The following ADD3 variants were observed in gnomAD, a reference collection of about 807,000 sequenced individuals.
ADD3 encodes adducin 3.
In ADD3, 25 loss-of-function variants were observed where a neutral mutation model predicts 80.2. That is an observed-to-expected ratio of 0.31 (90% CI 0.23 to 0.44). ADD3 has a LOEUF of 0.44. Ranked by LOEUF, ADD3 falls within the 20% of genes least tolerant of loss-of-function variation. The pLI is 1.00. For missense variants in ADD3, 829 were observed against 847.5 expected (o/e 0.98, Z 0.27); for synonymous variants, 284 against 289.6 (o/e 0.98, Z 0.20).
At position 110,093,499 on chromosome 10, in the gene ADD3, T is replaced by C. The variant is rs117814358; in HGVS notation, c.-29-7126T>C. 1.3e-3 allele frequency among the ~76,000 whole-genome samples: 191 copies of C among 152,336 alleles called. 4 individuals carry two copies. In the East Asian group the frequency reaches 0.031, roughly 25 times the overall value. On this transcript the variant is annotated intron_variant, in intron 1 of 14. Coordinates refer to ENST00000356080, the MANE Select transcript of ADD3 (RefSeq NM_016824.5). ...ATTACCCAGAGCACAGTCAATGTCA[T>C]TTTGTTAATAGCTTCTAATTAAGTC...
upstream of ADD3, chr10:110,005,982 C>A: frequency 4.1e-6 from 1 of 246,536 alleles, no homozygotes; most frequent in African/African-American, 2.3e-5. Flanking sequence ...GAAGCTGCTG[C>A]TGCTAATGCT....
At chr10:110,082,457 T>G (rs1019850504) in intron 1 of ADD3, among the ~76,000 whole-genome samples, 1 of 152,260 alleles carries the variant, frequency 6.6e-6, no homozygotes, top group African/African-American at 2.4e-5. Context: ...AAGACCTATT[T>G]TGAGTTTTGG....
At chr10:110,115,273 A>C (rs1227727188) in intron 3 of ADD3, among the ~76,000 whole-genome samples, 1 of 152,132 alleles carries the variant, frequency 6.6e-6, no homozygotes, top group Non-Finnish European at 1.5e-5. Flanking sequence ...CTGTAATCCC[A>C]GCTTCTCAGG....
At chr10:110,033,814 G>A (rs554177671) in intron 1 of ADD3, among the ~76,000 whole-genome samples, 34 of 152,092 alleles carry the variant, frequency 2.2e-4, no homozygotes, top group Non-Finnish European at 3.8e-4. Flanking sequence ...CTCTGGGACC[G>A]TAATTTGCTA....
chr10:110,003,095 A>C (rs1220181660), upstream of ADD3, among the ~76,000 whole-genome samples: 3 of 152,214 alleles, frequency 2.0e-5, no homozygotes, highest in Non-Finnish European at 4.4e-5. Context: ...GATTAAATAC[A>C]TAACATTATG....
intron 1 of ADD3, among the ~76,000 whole-genome samples, chr10:110,074,169 A>G (rs773355128): frequency 1.3e-5 from 2 of 152,216 alleles, no homozygotes; most frequent in African/African-American, 2.4e-5. Context: ...TTCAAAAGGA[A>G]AAGCCCTTTT....
At chr10:110,036,075 C>T (rs533487054) in intron 1 of ADD3, among the ~76,000 whole-genome samples, 3 of 152,090 alleles carry the variant, frequency 2.0e-5, no homozygotes, top group East Asian at 1.9e-4. Flanking sequence ...CGCTTGAACT[C>T]GGGAGGCGGG....
intron 1 of ADD3, among the ~76,000 whole-genome samples, chr10:110,050,506 CTTTTTTT>C (rs59897959): frequency 0.13 from 16,724 of 129,370 alleles, 3,253 homozygotes; most frequent in African/African-American, 0.43. Flanking sequence ...CATTAAACCT[CTTTTTTT>C]TTTTTTTTTT....
upstream of ADD3, among the ~76,000 whole-genome samples, chr10:110,004,842 T>C (rs145901445): frequency 9.0e-4 from 133 of 147,654 alleles, no homozygotes; most frequent in Non-Finnish European, 1.5e-3. Flanking sequence ...AATCAAGTAA[T>C]ATAAAGATAA....
intron 1 of ADD3, among the ~76,000 whole-genome samples, chr10:110,054,096 C>T (rs1265489056): frequency 4.6e-5 from 7 of 151,848 alleles, no homozygotes; most frequent in African/African-American, 1.2e-4. Flanking sequence ...ACAGAATATG[C>T]GATATAATAG....
Position 110,132,339 on chromosome 10 carries a change from A to G in ADD3, c.1767A>G (p.Ser589=), listed in dbSNP as rs1288461497. Residue 589 remains serine (S), a synonymous_variant, in exon 14 of 15, where the codon TCA becomes TCG. Transcript: ENST00000356080. ...AEQELLSDDA[S]SVSQIQSQTQ... ...AGGAATTACTCTCAGATGACGCTTC[A>G]TCTGTTTCACAAATTCAGTCTCAAA... The G allele has an allele frequency of 1.9e-6, 3 of 1,613,956 alleles. No individual in the cohort carries two copies. Among genetic ancestry groups the G allele is most frequent in the Non-Finnish European group, 2.5e-6 (3 of 1,179,928 alleles).
chr10:110,066,769 A>G (rs1369255804), intron 1 of ADD3, among the ~76,000 whole-genome samples: 1 of 152,066 alleles, frequency 6.6e-6, no homozygotes, highest in South Asian at 2.1e-4. Flanking sequence ...TTCTTTTGTA[A>G]ATTTTAAGCA....
chr10:110,040,452 T>C (rs1856170523), intron 1 of ADD3, among the ~76,000 whole-genome samples: 1 of 152,262 alleles, frequency 6.6e-6, no homozygotes, highest in Non-Finnish European at 1.5e-5. Flanking sequence ...CCAGTAATTT[T>C]TGATGATTAT....
At chr10:110,000,286 G>C (rs1028848407) in intron 1 of ADD3, among the ~76,000 whole-genome samples, 1 of 152,196 alleles carries the variant, frequency 6.6e-6, no homozygotes, top group Non-Finnish European at 1.5e-5. Flanking sequence ...ACATGCTCAA[G>C]AACTATCTGC....
upstream of ADD3, among the ~76,000 whole-genome samples, chr10:110,007,544 C>G (rs980149245): frequency 2.0e-5 from 3 of 152,134 alleles, no homozygotes; most frequent in African/African-American, 7.2e-5. Flanking sequence ...CCTTCGCGGT[C>G]GGGTTTCTAT....
chr10:110,020,056 C>A (rs1853492337), intron 1 of ADD3, among the ~76,000 whole-genome samples: 1 of 152,164 alleles, frequency 6.6e-6, no homozygotes, highest in Non-Finnish European at 1.5e-5. Context: ...GTATCTTTTC[C>A]CATAAATGCT....
Position 110,129,517 on chromosome 10 carries a change from A to T in ADD3, c.1609-846A>T, listed in dbSNP as rs539212266. On this transcript the variant is annotated intron_variant, in intron 12 of 14. Coordinates refer to ENST00000356080, the MANE Select transcript of ADD3 (RefSeq NM_016824.5). ...GAGAGGGAAATGCTTGGCTCTGTGG[A>T]ATAGGGAAGGGAACCTGGGAATCTG... is the stretch of plus-strand genomic sequence containing the variant. 7.8e-4 allele frequency among the ~76,000 whole-genome samples: 119 copies of T among 152,224 alleles called. 1 individual carries two copies. Among genetic ancestry groups the T allele is most frequent in the African/African-American group, 2.8e-3 (116 of 41,530 alleles).
chr10:110,002,800 ATTAC>A (rs1357205583), upstream of ADD3, among the ~76,000 whole-genome samples: 1 of 152,248 alleles, frequency 6.6e-6, no homozygotes, highest in Non-Finnish European at 1.5e-5. Flanking sequence ...ATCAGGCTTG[ATTAC>A]TTAAACAGTT....
intron 1 of ADD3, among the ~76,000 whole-genome samples, chr10:110,069,314 G>A (rs777834359): frequency 7.2e-5 from 11 of 152,108 alleles, no homozygotes; most frequent in Non-Finnish European, 1.6e-4. Flanking sequence ...CAGTGTGGAA[G>A]CATCTTAAAC....
Sources: gnomAD v4.1 joint callset for allele counts (sites outside exome capture counted in the v4.1 genomes callset) on GRCh38, gnomAD v4.1.1 for gene constraint, MANE v1.5 for transcripts, NCBI Gene and HGNC (gene_info 2026-07-23, HGNC 2026-07-21) for gene names.